SENP7: variants seen among roughly 807,000 people sequenced by gnomAD.
SENP7 encodes the protein SUMO specific peptidase 7.
SENP7 carries 64 observed loss-of-function variants against 141.2 expected under a neutral mutation model. That is an observed-to-expected ratio of 0.45 (90% CI 0.37 to 0.56). SENP7 has a LOEUF of 0.56. SENP7 is among the 20% of genes least tolerant of loss of function. The pLI is 0.00. For synonymous variants in SENP7, 382 were observed against 426.4 expected (o/e 0.90, Z 1.28); for missense variants, 1,025 against 1,212.2 (o/e 0.85, Z 2.29).
chr3:101,441,093 C>T (rs1159388470), intron 4 of SENP7, among the ~76,000 whole-genome samples: 2 of 152,142 alleles, frequency 1.3e-5, no homozygotes, highest in South Asian at 2.1e-4. Context: ...CTGCCTACTC[C>T]AAACAGCACA....
chr3:101,349,084 C>A (rs2059546777), intron 12 of SENP7, among the ~76,000 whole-genome samples: 1 of 152,142 alleles, frequency 6.6e-6, no homozygotes, highest in Non-Finnish European at 1.5e-5. Flanking sequence ...CAGCAGATCT[C>A]AGTTTAATAG....
chr3:101,431,825 C>T (rs1024642722), intron 4 of SENP7, among the ~76,000 whole-genome samples: 8 of 152,074 alleles, frequency 5.3e-5, no homozygotes, highest in Non-Finnish European at 1.2e-4. Flanking sequence ...TAGACTCTAC[C>T]TTTCCAGCAC....
intron 4 of SENP7, chr3:101,457,547 C>G (rs1365374227): frequency 6.2e-7 from 1 of 1,601,572 alleles, no homozygotes; most frequent in Admixed American, 1.7e-5. Flanking sequence ...ACATATGCAC[C>G]TCTTCAATAC....
intron 5 of SENP7, 59 bp downstream of exon 5, chr3:101,417,534 C>G (rs896040312): frequency 1.5e-6 from 2 of 1,334,798 alleles, no homozygotes; most frequent in Admixed American, 1.7e-5. Context: ...ATTAGGAGTA[C>G]GGGATTCATA....
At chr3:101,431,656 G>A (rs2062179771) in intron 4 of SENP7, among the ~76,000 whole-genome samples, 1 of 151,536 alleles carries the variant, frequency 6.6e-6, no homozygotes, top group Non-Finnish European at 1.5e-5. Context: ...TGGTGGCGTG[G>A]GTCTGTAGTC....
rs994029686 is a variant in SENP7, at chr3:101,358,065, A to G, written c.1623+3650T>C. The stretch of plus-strand genomic sequence containing the variant: ...ATTTCATCCTCAACCCTTATTAAAC[A>G]TGAGATAATTCATAGAAACTCTACA... On this transcript the variant is annotated intron_variant, in intron 11 of 23. Coordinates refer to ENST00000394095, the MANE Select transcript of SENP7 (RefSeq NM_020654.5). The G allele has an allele frequency of 8.1e-5, 51 of 628,088 alleles. No individual in the cohort carries two copies. The Admixed American group carries it at 1.5e-3, about 18-fold the overall frequency. 38.9% of individuals were successfully genotyped at this position (628,088 alleles called of 1,614,324 possible).
At chr3:101,470,480 A>T (rs529813277) in intron 3 of SENP7, among the ~76,000 whole-genome samples, 2 of 152,320 alleles carry the variant, frequency 1.3e-5, no homozygotes, top group African/African-American at 4.8e-5. Flanking sequence ...TCAATAAACG[A>T]GGTATCAATG....
At chr3:101,463,559 T>C (rs2063662399) in intron 3 of SENP7, among the ~76,000 whole-genome samples, 1 of 151,514 alleles carries the variant, frequency 6.6e-6, no homozygotes, top group African/African-American at 2.4e-5. Context: ...AGAAGCTATC[T>C]TAGGACCCTG....
intron 13 of SENP7, among the ~76,000 whole-genome samples, chr3:101,344,684 T>G (rs916028382): frequency 2.6e-5 from 4 of 152,040 alleles, no homozygotes; most frequent in African/African-American, 7.2e-5. Flanking sequence ...GTGTTATAGG[T>G]GCATATGGGA....
At chr3:101,358,527 A>C in intron 11 of SENP7, 1 of 264,366 alleles carries the variant, frequency 3.8e-6, no homozygotes. Context: ...GAATGTGACA[A>C]AGCTTTTTAA....
At chr3:101,486,674 G>A (rs2064743823) in intron 3 of SENP7, among the ~76,000 whole-genome samples, 1 of 152,038 alleles carries the variant, frequency 6.6e-6, no homozygotes, top group South Asian at 2.1e-4. Context: ...AAATTACACA[G>A]AACCTATAAA....
chr3:101,450,180 C>T (rs537158564), intron 4 of SENP7, among the ~76,000 whole-genome samples: 1 of 152,282 alleles, frequency 6.6e-6, no homozygotes, highest in East Asian at 1.9e-4. Flanking sequence ...AATATATATG[C>T]ACCCAACACA....
At chr3:101,498,168 T>C (rs2065234127) in intron 2 of SENP7, among the ~76,000 whole-genome samples, 1 of 152,202 alleles carries the variant, frequency 6.6e-6, no homozygotes, top group South Asian at 2.1e-4. Context: ...ATACCACATA[T>C]ATAAATTTGG....
intron 5 of SENP7, among the ~76,000 whole-genome samples, chr3:101,410,810 A>C (rs2061434550): frequency 7.0e-6 from 1 of 143,300 alleles, no homozygotes; most frequent in South Asian, 2.2e-4. Context: ...GCGCCACTGC[A>C]CTCTAGCCTG....
chr3:101,341,536 A>G, intron 15 of SENP7, 110 bp downstream of exon 15: 1 of 974,342 alleles, frequency 1.0e-6, no homozygotes, highest in Non-Finnish European at 1.4e-6. Flanking sequence ...TACTATCAGC[A>G]TGAAAGTAAA....
chr3:101,434,680 C>T (rs1453637379), intron 4 of SENP7, among the ~76,000 whole-genome samples: 2 of 151,926 alleles, frequency 1.3e-5, no homozygotes, highest in Non-Finnish European at 2.9e-5. Context: ...AAGAAATGGA[C>T]AAATTTCTGA....
intron 4 of SENP7, among the ~76,000 whole-genome samples, chr3:101,433,536 A>G (rs2062265047): frequency 1.3e-5 from 2 of 152,142 alleles, no homozygotes; most frequent in Admixed American, 6.6e-5. Context: ...CACTTCACCT[A>G]TAAAGACACA....
At chr3:101,358,204 G>T in intron 11 of SENP7, 2 of 667,380 alleles carry the variant, frequency 3.0e-6, no homozygotes, top group South Asian at 2.9e-5. Flanking sequence ...ACCTTCACCT[G>T]GTTTAGTCAA....
chr3:101,413,859 C>T (rs2061524847), intron 5 of SENP7, among the ~76,000 whole-genome samples: 1 of 152,100 alleles, frequency 6.6e-6, no homozygotes. Context: ...AACAGACAGA[C>T]ACAAAGCTAG....
Sources: gnomAD v4.1 joint callset for allele counts (sites outside exome capture counted in the v4.1 genomes callset) on GRCh38, gnomAD v4.1.1 for gene constraint, MANE v1.5 for transcripts, NCBI Gene and HGNC (gene_info 2026-07-23, HGNC 2026-07-21) for gene names.